LMF1: variants seen among roughly 807,000 people sequenced by gnomAD.
LMF1 encodes lipase maturation factor 1, also known as transmembrane protein 112.
A neutral mutation model predicts 60.6 loss-of-function variants in LMF1; 68 were observed. The ratio of observed to expected loss-of-function variants is 1.12; its 90% CI spans 0.92 to 1.37. LMF1 has a LOEUF of 1.37. LMF1 is among the 40% of genes most tolerant of loss of function. The pLI is 0.00. For missense variants in LMF1, 948 were observed against 767.2 expected, an observed-to-expected ratio of 1.24 and a Z score of -2.78; for synonymous variants, 418 against 324.7, an observed-to-expected ratio of 1.29 and a Z score of -3.09.
chr16:981,062 C>T, intron 1 of LMF1: 1 of 243,456 alleles, frequency 4.1e-6, no homozygotes, highest in South Asian at 3.4e-5. Context: ...CGCCCCCGCC[C>T]GCGCTCTCCA....
At chr16:934,285 C>T in intron 2 of LMF1, 31 bp from the exon 3 acceptor site, 1 of 1,599,070 alleles carries the variant, frequency 6.3e-7, no homozygotes, top group Non-Finnish European at 8.5e-7. Flanking sequence ...CGAGTATTAA[C>T]ACTTTGGCTT....
At chr16:953,097 CCA>C (rs972661235) in intron 2 of LMF1, among the ~76,000 whole-genome samples, 1 of 103,394 alleles carries the variant, frequency 9.7e-6, no homozygotes, top group South Asian at 4.1e-4. Flanking sequence ...TCCTACACGT[CCA>C]CACAGACACC....
intron 4 of LMF1, among the ~76,000 whole-genome samples, chr16:898,688 C>T (rs186509737): frequency 1.3e-5 from 2 of 152,342 alleles, no homozygotes; most frequent in Non-Finnish European, 2.9e-5. Flanking sequence ...GGCAGTTCAT[C>T]TCCGAAGCAC....
At chr16:880,835 G>A (rs1181038537) in intron 5 of LMF1, among the ~76,000 whole-genome samples, 2 of 152,254 alleles carry the variant, frequency 1.3e-5, no homozygotes, top group Admixed American at 1.3e-4. Flanking sequence ...GTGAGCCCAG[G>A]GTGGTGGTGG....
intron 7 of LMF1, 94 bp from the exon 8 acceptor site, chr16:870,976 TGTCCTGG>T: frequency 6.8e-7 from 1 of 1,471,360 alleles, no homozygotes; most frequent in Non-Finnish European, 9.1e-7. Flanking sequence ...AAGGGTCAGC[TGTCCTGG>T]GTCCCGGGGA....
chr16:855,792 C>T (rs1294830588), intron 10 of LMF1: 5 of 455,918 alleles, frequency 1.1e-5, no homozygotes, highest in East Asian at 6.9e-5. Flanking sequence ...GGCCCGGTAG[C>T]GACTGTCTGG....
At chr16:895,112 G>A (rs1171291325) in intron 4 of LMF1, among the ~76,000 whole-genome samples, 2 of 152,204 alleles carry the variant, frequency 1.3e-5, no homozygotes, top group South Asian at 2.1e-4. Context: ...GGCGCCAGTC[G>A]CGGTCCCACT....
intron 1 of LMF1, among the ~76,000 whole-genome samples, chr16:963,403 T>C (rs1438952877): frequency 6.6e-6 from 1 of 151,992 alleles, no homozygotes; most frequent in African/African-American, 2.4e-5. Flanking sequence ...TGTGTGTATG[T>C]GTCTGTACAC....
At chr16:931,301 C>T (rs2071776195) in intron 3 of LMF1, among the ~76,000 whole-genome samples, 1 of 152,260 alleles carries the variant, frequency 6.6e-6, no homozygotes, top group Non-Finnish European at 1.5e-5. Context: ...GAAGCCTGGC[C>T]CACCTAGAGC....
intron 4 of LMF1, among the ~76,000 whole-genome samples, chr16:906,071 G>A (rs546998541): frequency 1.3e-5 from 2 of 152,180 alleles, no homozygotes; most frequent in Non-Finnish European, 2.9e-5. Flanking sequence ...ACGGAGGGGG[G>A]TTCACTTATC....
intron 3 of LMF1, among the ~76,000 whole-genome samples, chr16:932,032 G>A (rs576562976): frequency 6.6e-6 from 1 of 152,314 alleles, no homozygotes; most frequent in East Asian, 1.9e-4. Flanking sequence ...ACAGGCTCAC[G>A]TCCCACCCCC....
chr16:954,528 G>C lies in LMF1; in HGVS notation c.332C>G (p.Pro111Arg), dbSNP rs777696863. 4 of 1,613,036 alleles carry C rather than the reference G, an allele frequency of 2.5e-6. No individual in the cohort carries two copies. Among genetic ancestry groups the C allele is most frequent in the East Asian group, 2.2e-5 (1 of 44,884 alleles). The change falls in exon 2 of 11, where the codon CCC (proline) becomes CGC (arginine). Residue 111 changes from proline (P) to arginine (R), a missense_variant. Transcript: ENST00000262301. The part of the protein sequence containing the change: ...RTSWEVFSYM[P>R]TILWLMDWSD... ...CCAGTCCATCAGCCAGAGGATGGTG[G>C]GCATGTAGCTGAAGACTTCCCAGCT...
chr16:932,597 T>A (rs552362920), intron 3 of LMF1, among the ~76,000 whole-genome samples: 51 of 152,002 alleles, frequency 3.4e-4, no homozygotes, highest in African/African-American at 6.1e-4. Context: ...ATTAAAAAAA[T>A]TTTTTTTGTG....
At chr16:968,065 C>T (rs1314674782) in intron 1 of LMF1, among the ~76,000 whole-genome samples, 3 of 152,216 alleles carry the variant, frequency 2.0e-5, no homozygotes, top group Non-Finnish European at 4.4e-5. Context: ...CCAGGACGCC[C>T]GCGGTATGCA....
intron 3 of LMF1, among the ~76,000 whole-genome samples, chr16:912,821 G>A (rs1388950023): frequency 2.6e-5 from 4 of 152,228 alleles, no homozygotes; most frequent in African/African-American, 7.2e-5. Context: ...GCAGCTGCGC[G>A]GCGTGCACAA....
At chr16:924,963 G>A (rs11641637) in intron 3 of LMF1, among the ~76,000 whole-genome samples, 1,531 of 152,324 alleles carry the variant, frequency 0.01, 10 homozygotes, top group Non-Finnish European at 0.015. Context: ...CAAGGCCACC[G>A]CACAGACTGT....
intron 1 of LMF1, among the ~76,000 whole-genome samples, chr16:955,498 A>C (rs2072675766): frequency 1.3e-5 from 2 of 148,790 alleles, no homozygotes; most frequent in Non-Finnish European, 3.0e-5. Context: ...TAAGTAAACT[A>C]GACACGTTAC....
chr16:875,419 G>A (rs2069944909), intron 6 of LMF1, among the ~76,000 whole-genome samples: 2 of 152,148 alleles, frequency 1.3e-5, no homozygotes, highest in South Asian at 2.1e-4. Context: ...AAACAAGGAC[G>A]TTTTTGAGGC....
chr16:972,801 G>A (rs72769445), upstream of LMF1, among the ~76,000 whole-genome samples: 2,306 of 152,324 alleles, frequency 0.015, 32 homozygotes, highest in African/African-American at 0.035. Context: ...TCCGGGCTCC[G>A]GCTCTGCATT....
Sources: gnomAD v4.1 joint callset for allele counts (sites outside exome capture counted in the v4.1 genomes callset) on GRCh38, gnomAD v4.1.1 for gene constraint, MANE v1.5 for transcripts, NCBI Gene and HGNC (gene_info 2026-07-23, HGNC 2026-07-21) for gene names.